Variants in ANKAR observed in about 807,000 individuals in gnomAD.
The protein encoded by ANKAR is ankyrin and armadillo repeat containing.
In ANKAR, 136 loss-of-function variants were observed where a neutral mutation model predicts 146.2. That is an observed-to-expected ratio of 0.93 (90% CI 0.81 to 1.07). ANKAR has a LOEUF of 1.07. Ranked by LOEUF, ANKAR falls within the 50% of genes least tolerant of loss-of-function variation. The pLI is 0.00. For missense variants in ANKAR, 1,567 were observed against 1,679.9 expected, an observed-to-expected ratio of 0.93 and a Z score of 1.18; for synonymous variants, 500 against 575.8, an observed-to-expected ratio of 0.87 and a Z score of 1.88.
At chr2:189,697,409 G>A (rs1427352292) in intron 7 of ANKAR, among the ~76,000 whole-genome samples, 3 of 151,892 alleles carry the variant, frequency 2.0e-5, no homozygotes, top group Admixed American at 2.0e-4. Context: ...AATAAGAAGT[G>A]GTGATTTTAT....
chr2:189,753,694 A>G (rs1199754399), intron 18 of ANKAR, among the ~76,000 whole-genome samples: 1 of 152,204 alleles, frequency 6.6e-6, no homozygotes, highest in Non-Finnish European at 1.5e-5. Flanking sequence ...AGAAGATGCA[A>G]AATTAGACTT....
intron 8 of ANKAR, among the ~76,000 whole-genome samples, 199 bp downstream of exon 8, chr2:189,705,423 G>A (rs540650136): frequency 2.6e-5 from 4 of 152,294 alleles, no homozygotes; most frequent in East Asian, 1.9e-4. Flanking sequence ...TCACTGTCTC[G>A]TCCTAACCAC....
rs1390768265 is a variant in ANKAR at position 189,692,148 on chromosome 2, T to C, written c.1040-107T>C. The C allele has an allele frequency of 7.6e-6, 7 of 922,482 alleles. No individual in the cohort carries two copies. In the African/African-American group the frequency reaches 1.2e-4, roughly 16 times the overall value. 57.1% of individuals were successfully genotyped at this position (922,482 alleles called of 1,614,324 possible). ...TATAATTGCCAAGATTTTAATTTCA[T>C]CTGGAATTTTCTCACTTTGTTTACA... is the stretch of plus-strand genomic sequence containing the variant. On this transcript the variant is annotated intron_variant, in intron 3 of 22. Transcript: ENST00000684021.
intron 10 of ANKAR, among the ~76,000 whole-genome samples, chr2:189,716,929 A>G (rs570636238): frequency 2.6e-5 from 4 of 152,180 alleles, no homozygotes; most frequent in Admixed American, 6.5e-5. Context: ...TACCTTATAT[A>G]AAAATTAATT....
Position 189,730,589 on chromosome 2 carries a change from T to C in ANKAR, c.3288T>C (p.Ser1096=). 1 of 1,576,064 alleles carries C rather than the reference T, an allele frequency of 6.3e-7. No individual in the cohort carries two copies. Among genetic ancestry groups the C allele is most frequent in the Non-Finnish European group, 8.7e-7 (1 of 1,151,440 alleles). Residue 1096 remains serine (S), a synonymous_variant, in exon 16 of 23, where the codon TCT becomes TCC. Coordinates refer to ENST00000684021, the MANE Select transcript of ANKAR (RefSeq NM_001378068.1). The stretch of plus-strand genomic sequence containing the variant: ...TCCAACTACTAAGAAATCACCCTTC[T>C]CCTAACATTAAGGTATAAAGGTTTA... ...VLIQLLRNHP[S]PNIKVEVAFS...
At chr2:189,702,004 C>T (rs777299312) in intron 7 of ANKAR, among the ~76,000 whole-genome samples, 4 of 152,084 alleles carry the variant, frequency 2.6e-5, no homozygotes, top group South Asian at 4.1e-4. Flanking sequence ...GGTGAGCCTG[C>T]GTCCCTGTAC....
chr2:189,691,501 A>G (rs1426177415), intron 3 of ANKAR, among the ~76,000 whole-genome samples: 2 of 152,030 alleles, frequency 1.3e-5, no homozygotes, highest in East Asian at 3.8e-4. Context: ...AAGTTTTTGT[A>G]TATTAAACAA....
In ANKAR at chr2:189,720,662, A is replaced by G; in HGVS notation, c.2510A>G (p.Glu837Gly). The G allele has an allele frequency of 7.1e-7, 1 of 1,399,904 alleles. No individual in the cohort carries two copies. Among genetic ancestry groups the G allele is most frequent in the Non-Finnish European group, 9.4e-7 (1 of 1,069,340 alleles). The allele number at this position is 1,399,904 out of a possible 1,614,324, so 86.7% of individuals were successfully genotyped here. ...ATAAATCTATTGAACTTAAACATAG[A>G]AAATGTGCTAGTAAATGTAATGAAC... Reference protein sequence around the residue: ...SLINLLNLNIENVLVNVMNCI... With the variant: ...SLINLLNLNIGNVLVNVMNCI... The change falls in exon 12 of 23, where the codon GAA becomes GGA. Residue 837 changes from glutamate (E) to glycine (G), a missense_variant. Glu to Gly is a moderately conservative substitution (Grantham distance 98). Transcript: ENST00000684021.
rs13426218 is a variant in ANKAR at position 189,728,128 on chromosome 2, C to T, written c.2877+31C>T. ...AATTTTATGATTACTGGTCATTTTT[C>T]TTAGATGATGTTTTCTATTTTGAAT... On this transcript the variant is annotated intron_variant, in intron 13 of 22. Transcript: ENST00000684021. 4.2e-4 allele frequency: 658 copies of T among 1,563,620 alleles called. 2 individuals carry two copies. The African/African-American group carries it at 8.3e-3, about 20-fold the overall frequency.
intron 18 of ANKAR, among the ~76,000 whole-genome samples, chr2:189,758,778 G>A (rs1399399040): frequency 1.3e-5 from 2 of 152,170 alleles, no homozygotes; most frequent in African/African-American, 4.8e-5. Flanking sequence ...ACTCTACTGA[G>A]AGAGATTATA....
rs751815466 is a variant in ANKAR at position 189,746,614 on chromosome 2, C to T, written c.4292C>T (p.Pro1431Leu). 99 of 1,589,030 alleles carry T rather than the reference C, an allele frequency of 6.2e-5. No homozygotes were observed. The highest frequency in any genetic ancestry group is 8.3e-5 in the Non-Finnish European group (97 of 1,173,022). The change falls in exon 23 of 23, where the codon CCT becomes CTT. Residue 1431 changes from proline to leucine, a missense_variant. Transcript: ENST00000684021. ...CATGTCCAGAAAGCCAACCCAGAGC[C>T]TGCAGAAGGCTAATAAAACATTTTA... is the stretch of plus-strand genomic sequence containing the variant. ...GKHVQKANPE[P>L]AEG
At chr2:189,745,914 A>AGTTAAAGTTAGAG (rs2044085382) in intron 22 of ANKAR, among the ~76,000 whole-genome samples, 1 of 152,208 alleles carries the variant, frequency 6.6e-6, no homozygotes, top group African/African-American at 2.4e-5. Context: ...AGTAATTTAC[A>AGTTAAAGTTAGAG]TAAAAGAATA....
intron 18 of ANKAR, chr2:189,755,013 G>A (rs1422720103): frequency 1.3e-6 from 1 of 762,916 alleles, no homozygotes; most frequent in Non-Finnish European, 2.0e-6. Flanking sequence ...ATAAAATTGT[G>A]TACTACTCTT....
At chr2:189,741,273 C>A (rs904608266) in intron 19 of ANKAR, 69 bp from the exon 20 acceptor site, 1 of 1,174,904 alleles carries the variant, frequency 8.5e-7, no homozygotes, top group South Asian at 1.6e-5. Context: ...GTGCTATGTG[C>A]AATTAATGAA....
Position 189,741,799 on chromosome 2 carries a change from TC to T in ANKAR, c.3810+349del, listed in dbSNP as rs538293185. On this transcript the variant is annotated intron_variant, in intron 20 of 22. Transcript: ENST00000684021. Reference sequence around the variant, plus strand: ...TAAAGATTTAAAAAGAACTACCTGTTCAAATTAGTTTCTGATTTAAAAAACA... The same window carrying T: ...TAAAGATTTAAAAAGAACTACCTGTTAAATTAGTTTCTGATTTAAAAAACA... 1.5e-3 allele frequency among the ~76,000 whole-genome samples: 230 copies of T among 152,258 alleles called. 1 individual carries two copies. The highest frequency in any genetic ancestry group is 6.8e-3 in the Middle Eastern group (2 of 294).
chr2:189,738,578 C>T lies in ANKAR; in HGVS notation c.3596C>T (p.Ala1199Val). Residue 1199 changes from alanine to valine, a missense_variant, in exon 19 of 23, where the codon GCT (alanine) becomes GTT (valine). Transcript: ENST00000684021. ...TTCTGTTTTCAGATTGTTGTACTGG[C>T]TAAAGTCATTAGAGATATGGACCAT... is the stretch of plus-strand genomic sequence containing the variant. ...AMAAFQIVVL[A>V]KVIRDMDHIT... is the part of the protein sequence containing the mutation. The T allele has an allele frequency of 6.2e-7, 1 of 1,602,262 alleles. No homozygotes were observed. The highest frequency in any genetic ancestry group is 8.5e-7 in the Non-Finnish European group (1 of 1,172,176).
At chr2:189,719,990 C>T (rs111950473) in intron 11 of ANKAR, among the ~76,000 whole-genome samples, 177 bp downstream of exon 11, 10 of 152,196 alleles carry the variant, frequency 6.6e-5, no homozygotes, top group Admixed American at 3.9e-4. Context: ...CATTTGAGTA[C>T]GGTCCAGAAG....
intron 19 of ANKAR, among the ~76,000 whole-genome samples, chr2:189,740,094 T>C (rs1213942099): frequency 1.3e-5 from 2 of 152,206 alleles, no homozygotes; most frequent in African/African-American, 4.8e-5. Flanking sequence ...TTCCAGAAGA[T>C]GCTCCAAAGG....
intron 6 of ANKAR, 61 bp downstream of exon 6, chr2:189,695,222 G>T: frequency 7.5e-7 from 1 of 1,330,086 alleles, no homozygotes; most frequent in African/African-American, 1.5e-5. Flanking sequence ...ATAAGTATGT[G>T]TCTCAAACAG....
Sources: gnomAD v4.1 joint callset for allele counts (sites outside exome capture counted in the v4.1 genomes callset) on GRCh38, gnomAD v4.1.1 for gene constraint, MANE v1.5 for transcripts, NCBI Gene and HGNC (gene_info 2026-07-23, HGNC 2026-07-21) for gene names.